PRKCE: variants seen among roughly 807,000 people sequenced by gnomAD.
PRKCE encodes protein kinase C epsilon type.
In PRKCE, 16 loss-of-function variants were observed where a neutral mutation model predicts 85.4. The observed-to-expected ratio is 0.19, with a 90% CI of 0.13 to 0.28. PRKCE has a LOEUF of 0.28. Ranked by LOEUF, PRKCE falls within the 10% of genes least tolerant of loss-of-function variation. The pLI, the probability that PRKCE is intolerant of heterozygous loss-of-function variation, is 1.00. For missense variants in PRKCE, 573 were observed against 975.2 expected (o/e 0.59, Z 5.49); for synonymous variants, 388 against 371.5 (o/e 1.04, Z -0.51).
rs1686638253 is a variant in PRKCE at position 45,786,855 on chromosome 2, C to G, written c.349-56145C>G. 6.6e-6 allele frequency among the ~76,000 whole-genome samples: 1 copy of G among 152,206 alleles called. No homozygotes were observed. The highest frequency in any genetic ancestry group is 2.1e-4 in the South Asian group (1 of 4,832). The stretch of plus-strand genomic sequence containing the variant: ...GTTTAGACAGCTGAAGTAACTTGCA[C>G]AAAATCACATGGCAATAGTAGAGAT... On this transcript the variant is annotated intron_variant, in intron 1 of 14. Coordinates refer to ENST00000306156, the MANE Select transcript of PRKCE (RefSeq NM_005400.3). The surrounding 1 kb of genome is among the most constrained non-coding windows in gnomAD (Gnocchi z 5.3).
At position 45,988,652 on chromosome 2, in the gene PRKCE, C is replaced by A. The variant is rs541689236; in HGVS notation, c.823+3972C>A. On this transcript the variant is annotated intron_variant, in intron 6 of 14. Coordinates refer to ENST00000306156, the MANE Select transcript of PRKCE (RefSeq NM_005400.3). ...CACAAAGTGAGCAGGCAAAATAGTT[C>A]ATTTCTTTCTTTCATTTTGTGACTC... Among the ~76,000 whole-genome samples the A allele has an allele frequency of 1.2e-3, 183 of 152,286 alleles. 1 individual carries two copies. Among genetic ancestry groups the A allele is most frequent in the African/African-American group, 4.0e-3 (168 of 41,570 alleles).
At chr2:45,886,340 G>T (rs557758495) in intron 2 of PRKCE, among the ~76,000 whole-genome samples, 1 of 152,274 alleles carries the variant, frequency 6.6e-6, no homozygotes, top group South Asian at 2.1e-4. Context: ...TGCCTGTTCT[G>T]TCTCTTCCTG....
At chr2:45,796,096 A>T (rs1183849321) in intron 1 of PRKCE, among the ~76,000 whole-genome samples, 1 of 152,200 alleles carries the variant, frequency 6.6e-6, no homozygotes, top group Non-Finnish European at 1.5e-5. Flanking sequence ...CCTTCAGTGT[A>T]GAATGCCCTT....
At chr2:45,712,299 C>G (rs72884477) in intron 1 of PRKCE, among the ~76,000 whole-genome samples, 3,960 of 151,914 alleles carry the variant, frequency 0.026, 180 homozygotes, top group African/African-American at 0.092. Flanking sequence ...AGGCATGCAC[C>G]ACCACGCCCA....
intron 2 of PRKCE, among the ~76,000 whole-genome samples, chr2:45,960,388 G>A (rs1057279289): frequency 6.6e-6 from 1 of 152,210 alleles, no homozygotes; most frequent in African/African-American, 2.4e-5. Flanking sequence ...CCATAAATCA[G>A]TGTTCCCCAA....
chr2:45,830,532 A>G (rs1034294572), intron 1 of PRKCE, among the ~76,000 whole-genome samples: 2 of 152,252 alleles, frequency 1.3e-5, no homozygotes, highest in South Asian at 2.1e-4. Context: ...TACTGGTCCA[A>G]CATCTGAATA....
At chr2:46,060,241 C>T (rs1057452851) in intron 10 of PRKCE, among the ~76,000 whole-genome samples, 6 of 152,116 alleles carry the variant, frequency 3.9e-5, no homozygotes, top group Non-Finnish European at 8.8e-5. Context: ...CATTTTCAGC[C>T]CCCCAAAGCT....
Position 46,143,954 on chromosome 2 carries a change from T to C in PRKCE, c.1593-1139T>C, listed in dbSNP as rs572779756. Among the ~76,000 whole-genome samples the C allele has an allele frequency of 1.4e-3, 217 of 152,296 alleles. 1 individual carries two copies. The highest frequency in any genetic ancestry group is 4.7e-3 in the African/African-American group (197 of 41,554). On this transcript the variant is annotated intron_variant, in intron 11 of 14. Coordinates refer to ENST00000306156, the MANE Select transcript of PRKCE (RefSeq NM_005400.3). Reference sequence around the variant, plus strand: ...TCACATCTTGACGCCAGCAGACCCCTCCTGCTTTCTGTGTGCAGACAAATG... The same window carrying C: ...TCACATCTTGACGCCAGCAGACCCCCCCTGCTTTCTGTGTGCAGACAAATG...
intron 14 of PRKCE, among the ~76,000 whole-genome samples, chr2:46,179,142 G>A (rs779161089): frequency 1.4e-4 from 21 of 152,270 alleles, no homozygotes; most frequent in Admixed American, 3.3e-4. Context: ...ATGAAAGCTA[G>A]CCCTATGCCC....
chr2:46,075,172 C>T (rs942888928), intron 10 of PRKCE, among the ~76,000 whole-genome samples: 1 of 152,076 alleles, frequency 6.6e-6, no homozygotes, highest in Admixed American at 6.5e-5. Context: ...TCCCGAGTAG[C>T]TGGGACTGTA....
chr2:46,164,763 G>A (rs1678160460), intron 14 of PRKCE: 2 of 152,280 alleles, frequency 1.3e-5, no homozygotes, highest in African/African-American at 4.8e-5. Context: ...CCCCTTCGTG[G>A]AAGAACCTGC....
At chr2:45,744,429 CTTTCTTTCTTTCTTTCTTT>C in intron 1 of PRKCE, among the ~76,000 whole-genome samples, 1 of 29,992 alleles carries the variant, frequency 3.3e-5, no homozygotes, top group South Asian at 2.7e-3. Flanking sequence ...TTCTTTCTTT[CTTTCTTTCTTTCTTTCTTT>C]CTTTCTTTCT....
At chr2:46,032,662 A>G (rs972792382) in intron 10 of PRKCE, among the ~76,000 whole-genome samples, 2 of 152,176 alleles carry the variant, frequency 1.3e-5, no homozygotes, top group Non-Finnish European at 2.9e-5. Context: ...TGATGCTTGG[A>G]GTCAGGCTGG....
chr2:45,825,098 G>C (rs1441378383), intron 1 of PRKCE, among the ~76,000 whole-genome samples: 5 of 152,120 alleles, frequency 3.3e-5, no homozygotes, highest in African/African-American at 1.2e-4. Context: ...TTTCCTCCGG[G>C]GATGAATGTA....
chr2:46,126,537 A>G (rs751748009), intron 11 of PRKCE, among the ~76,000 whole-genome samples: 7 of 152,198 alleles, frequency 4.6e-5, no homozygotes, highest in Non-Finnish European at 1.5e-5. Context: ...CAGAGGAAAC[A>G]GTTCATGCAA....
At chr2:46,040,798 C>A (rs1708172889) in intron 10 of PRKCE, among the ~76,000 whole-genome samples, 1 of 152,182 alleles carries the variant, frequency 6.6e-6, no homozygotes, top group Non-Finnish European at 1.5e-5. Context: ...GTGCTAAAGA[C>A]TTACTAAGAT....
intron 2 of PRKCE, among the ~76,000 whole-genome samples, chr2:45,915,664 A>G (rs1406172604): frequency 1.3e-5 from 2 of 152,156 alleles, no homozygotes; most frequent in Non-Finnish European, 2.9e-5. Flanking sequence ...TCTTTTTCTC[A>G]TTTGCCTTTA....
At chr2:45,912,129 G>A (rs1033106303) in intron 2 of PRKCE, among the ~76,000 whole-genome samples, 1 of 152,052 alleles carries the variant, frequency 6.6e-6, no homozygotes, top group African/African-American at 2.4e-5. Context: ...TCATAGAACT[G>A]GGGAGAGAAG....
intron 2 of PRKCE, among the ~76,000 whole-genome samples, chr2:45,844,506 A>G (rs1284466347): frequency 1.3e-5 from 2 of 152,176 alleles, no homozygotes; most frequent in South Asian, 2.1e-4. Flanking sequence ...CACCGCCCCA[A>G]TTAAGAATTA....
Sources: allele counts gnomAD v4.1 joint callset (sites outside exome capture counted in the v4.1 genomes callset), GRCh38; gene constraint gnomAD v4.1.1; non-coding constraint Gnocchi (gnomAD v3.1); transcripts MANE v1.5; gene names NCBI Gene and HGNC (gene_info 2026-07-23, HGNC 2026-07-21).